Variants in ZNF536 observed in about 807,000 individuals in gnomAD.
ZNF536 encodes the protein zinc finger protein 536.
Under a neutral mutation model 84.5 loss-of-function variants are expected in ZNF536, and 13 were observed. The observed-to-expected ratio is 0.15, with a 90% CI of 0.10 to 0.24. The LOEUF is 0.24. Ranked by LOEUF, ZNF536 falls within the 10% of genes least tolerant of loss-of-function variation. The pLI, the probability that ZNF536 is intolerant of heterozygous loss-of-function variation, is 1.00. For missense variants in ZNF536, 1,536 were observed against 1,747.5 expected, an observed-to-expected ratio of 0.88 and a Z score of 2.16; for synonymous variants, 811 against 742.5, an observed-to-expected ratio of 1.09 and a Z score of -1.50.
intron 1 of ZNF536, among the ~76,000 whole-genome samples, chr19:30,401,943 A>G (rs951692931): frequency 1.3e-5 from 2 of 152,354 alleles, no homozygotes; most frequent in Admixed American, 6.5e-5. Context: ...AGACTGTGAA[A>G]TGTGCAATAT....
At chr19:30,584,568 C>T (rs1187774840) in intron 1 of ZNF536, among the ~76,000 whole-genome samples, 1 of 152,212 alleles carries the variant, frequency 6.6e-6, no homozygotes, top group African/African-American at 2.4e-5. Context: ...CCTGGAGACA[C>T]AGCCCAAAAT....
At chr19:30,482,641 A>G (rs1373902598) in intron 2 of ZNF536, among the ~76,000 whole-genome samples, 36 of 152,172 alleles carry the variant, frequency 2.4e-4, no homozygotes, top group Admixed American at 6.5e-5. Flanking sequence ...TACGGTCTGG[A>G]AAATGAAGTT....
At chr19:30,519,822 C>T (rs980668687) in intron 2 of ZNF536, among the ~76,000 whole-genome samples, 2 of 152,174 alleles carry the variant, frequency 1.3e-5, no homozygotes, top group Non-Finnish European at 2.9e-5. Context: ...CTAAGGGACA[C>T]AAGAGTGAGA....
At chr19:30,346,577 T>C (rs560602939) in intron 2 of ZNF536, among the ~76,000 whole-genome samples, 9 of 152,330 alleles carry the variant, frequency 5.9e-5, no homozygotes, top group African/African-American at 1.7e-4. Context: ...CACTTATAAG[T>C]GAGTGAGAAC....
intron 4 of ZNF536, chr19:30,556,357 C>T (rs1366585301): frequency 6.6e-6 from 1 of 152,350 alleles, no homozygotes; most frequent in South Asian, 2.1e-4. Context: ...CAGGCGATGT[C>T]CCCTAGGATC....
At chr19:30,660,386 C>G (rs556472847) in intron 1 of ZNF536, among the ~76,000 whole-genome samples, 3 of 152,090 alleles carry the variant, frequency 2.0e-5, no homozygotes, top group Non-Finnish European at 2.9e-5. Flanking sequence ...CTGTTGACAC[C>G]CCTGGTTCTA....
At chr19:30,701,189 T>TCA (rs1428834210) in intron 1 of ZNF536, among the ~76,000 whole-genome samples, 2,248 of 57,896 alleles carry the variant, frequency 0.039, 26 homozygotes, top group South Asian at 0.075. Context: ...TATATCTCAC[T>TCA]CTCACACACA....
At chr19:30,543,657 C>A (rs956315859) in intron 3 of ZNF536, among the ~76,000 whole-genome samples, 2 of 152,246 alleles carry the variant, frequency 1.3e-5, no homozygotes, top group African/African-American at 4.8e-5. Flanking sequence ...GACTCAGCAT[C>A]TGCCTGTGCC....
intron 1 of ZNF536, among the ~76,000 whole-genome samples, chr19:30,276,498 T>C (rs956833828): frequency 2.6e-5 from 4 of 152,230 alleles, no homozygotes; most frequent in Non-Finnish European, 4.4e-5. Context: ...CCTTGCCAAT[T>C]CATACCAACT....
chr19:30,445,225 G>A lies in ZNF536; in HGVS notation c.1663G>A (p.Ala555Thr), dbSNP rs754516880. The A allele has an allele frequency of 9.9e-6, 16 of 1,614,074 alleles. No homozygotes were observed. The South Asian group carries it at 1.3e-4, about 13-fold the overall frequency. ...CAACCACGAAGACACTTTGGCAAAC[G>A]CCGGGGTTCTGTTTGATAAGGAGAA... ...QRNHEDTLAN[A>T]GVLFDKEKRE... Residue 555 changes from alanine to threonine, a missense_variant, in exon 2 of 5, where the codon GCC (alanine) becomes ACC (threonine). Transcript: ENST00000355537. This position sits in a 1 kb window ranked among gnomAD's most constrained non-coding sequence, Gnocchi z 4.5.
At chr19:30,290,200 GA>G (rs1161943020) in intron 2 of ZNF536, among the ~76,000 whole-genome samples, 2 of 152,218 alleles carry the variant, frequency 1.3e-5, no homozygotes, top group Non-Finnish European at 2.9e-5. Flanking sequence ...GCCTGTGACA[GA>G]ATTACCTTCC....
intron 2 of ZNF536, among the ~76,000 whole-genome samples, chr19:30,316,552 G>A (rs1375564160): frequency 1.3e-5 from 2 of 152,162 alleles, no homozygotes; most frequent in Non-Finnish European, 2.9e-5. Context: ...TAGAGCAAGG[G>A]AAGGACATAA....
intron 1 of ZNF536, among the ~76,000 whole-genome samples, chr19:30,710,520 T>A (rs1568695723): frequency 6.6e-6 from 1 of 152,176 alleles, no homozygotes; most frequent in South Asian, 2.1e-4. Flanking sequence ...CAGCCTGAGA[T>A]GAGGAACGGG....
At chr19:30,466,603 A>AG (rs71173906) in intron 2 of ZNF536, among the ~76,000 whole-genome samples, 8 of 151,564 alleles carry the variant, frequency 5.3e-5, no homozygotes, top group South Asian at 2.1e-4. Context: ...AGAGAGAGAG[A>AG]AAGAAAAGAG....
intron 1 of ZNF536, among the ~76,000 whole-genome samples, chr19:30,582,003 A>G (rs1316028697): frequency 1.3e-5 from 2 of 152,186 alleles, no homozygotes; most frequent in African/African-American, 2.4e-5. Context: ...TCAGGAAGAC[A>G]CTGAATGTCG....
At chr19:30,432,006 T>TATATACATATATATATATAC (rs149223384) in intron 1 of ZNF536, among the ~76,000 whole-genome samples, 2 of 145,988 alleles carry the variant, frequency 1.4e-5, no homozygotes, top group African/African-American at 5.1e-5. Flanking sequence ...TATATATATA[T>TATATACATATATATATATAC]ACACACACAC....
intron 1 of ZNF536, among the ~76,000 whole-genome samples, chr19:30,244,176 C>T (rs77471901): frequency 0.033 from 4,972 of 152,186 alleles, 223 homozygotes; most frequent in African/African-American, 0.087. Flanking sequence ...ACTGGGGCCA[C>T]GTGATAGATG....
At chr19:30,578,636 T>C (rs913714590) in intron 1 of ZNF536, among the ~76,000 whole-genome samples, 2 of 152,252 alleles carry the variant, frequency 1.3e-5, no homozygotes, top group African/African-American at 2.4e-5. Flanking sequence ...TCTAGTTTTT[T>C]GCAGAATACT....
chr19:30,250,516 C>T (rs891160765), intron 1 of ZNF536, among the ~76,000 whole-genome samples: 1 of 152,098 alleles, frequency 6.6e-6, no homozygotes, highest in African/African-American at 2.4e-5. Flanking sequence ...TTGCTGAAGT[C>T]GGGTCTGCAA....
Sources: gnomAD v4.1 joint callset for allele counts (sites outside exome capture counted in the v4.1 genomes callset) on GRCh38, gnomAD v4.1.1 for gene constraint, Gnocchi (gnomAD v3.1) non-coding constraint, MANE v1.5 for transcripts, NCBI Gene and HGNC (gene_info 2026-07-23, HGNC 2026-07-21) for gene names.